Variants in CNKSR2 observed in about 807,000 individuals in gnomAD.
The protein encoded by CNKSR2 is CNK homolog protein 2.
In CNKSR2, 14 loss-of-function variants were observed where a neutral mutation model predicts 84.4. That is an observed-to-expected ratio of 0.17 (90% confidence interval 0.11 to 0.26). The LOEUF is 0.26. Among genes scored for constraint, CNKSR2 ranks in the 10% least tolerant of loss-of-function variants. CNKSR2 has a pLI of 1.00. For missense variants in CNKSR2, 485 were observed against 771.2 expected (o/e 0.63, Z 4.40); for synonymous variants, 275 against 277.9 (o/e 0.99, Z 0.10).
intron 19 of CNKSR2, among the ~76,000 whole-genome samples, chrX:21,607,315 G>A (rs775897642): frequency 8.2e-4 from 91 of 111,464 alleles, no homozygotes; most frequent in African/African-American, 2.8e-3. Flanking sequence ...TTTTTCAGCA[G>A]CCATGGGACC....
At chrX:21,462,789 C>T (rs751640983) in intron 4 of CNKSR2, among the ~76,000 whole-genome samples, 1 of 105,795 alleles carries the variant, frequency 9.5e-6, no homozygotes, top group Non-Finnish European at 1.9e-5. Context: ...TCTCAGCTCA[C>T]TGCAACCTCT....
chrX:21,519,037 G>C (rs190091066), intron 9 of CNKSR2, among the ~76,000 whole-genome samples: 63 of 111,067 alleles, frequency 5.7e-4, no homozygotes, highest in African/African-American at 1.9e-3. Flanking sequence ...TTACAGAGCA[G>C]AGGAAAGAGT....
intron 20 of CNKSR2, among the ~76,000 whole-genome samples, chrX:21,646,423 T>G (rs189693302): frequency 1.8e-5 from 2 of 112,061 alleles, no homozygotes; most frequent in Non-Finnish European, 3.8e-5. Flanking sequence ...TATTGAATCT[T>G]CATTCATCCT....
intron 1 of CNKSR2, among the ~76,000 whole-genome samples, chrX:21,398,586 A>G (rs2090148756): frequency 1.8e-5 from 2 of 112,082 alleles, no homozygotes; most frequent in African/African-American, 6.5e-5. Flanking sequence ...TCCTGCCACC[A>G]TAAGAAGTGT....
chrX:21,531,970 A>G lies in CNKSR2; in HGVS notation c.1206A>G (p.Arg402=), dbSNP rs778487369. 1.7e-6 allele frequency: 2 copies of G among 1,198,697 alleles called. No homozygotes were observed. The highest frequency in any genetic ancestry group is 5.9e-5 in the East Asian group (2 of 33,719). The change falls in exon 11 of 22, where the codon AGA becomes AGG. Residue 402 remains arginine (R), a synonymous_variant. Coordinates refer to ENST00000379510, the MANE Select transcript of CNKSR2 (RefSeq NM_014927.5). The part of the protein sequence containing the change: ...NSFLDQEYRK[R]FNIVEEDTVL... Reference sequence around the variant, plus strand: ...TTCTGGATCAGGAATATCGAAAGAGATTTAATATTGTCGAAGAAGATACTG... The same window carrying G: ...TTCTGGATCAGGAATATCGAAAGAGGTTTAATATTGTCGAAGAAGATACTG...
chrX:21,602,994 T>C (rs1326596131), intron 18 of CNKSR2, among the ~76,000 whole-genome samples: 1 of 112,175 alleles, frequency 8.9e-6, no homozygotes, highest in Non-Finnish European at 1.9e-5. Flanking sequence ...CTGAGCTTCA[T>C]CTTGATTTTA....
intron 13 of CNKSR2, among the ~76,000 whole-genome samples, chrX:21,570,242 C>T (rs1708088571): frequency 8.9e-6 from 1 of 112,817 alleles, no homozygotes; most frequent in Admixed American, 9.4e-5. Flanking sequence ...CCACCTTCAT[C>T]AATGATCTTA....
intron 2 of CNKSR2, among the ~76,000 whole-genome samples, chrX:21,430,051 G>C (rs991025780): frequency 9.0e-6 from 1 of 111,481 alleles, no homozygotes; most frequent in Non-Finnish European, 1.9e-5. Flanking sequence ...CATGTTTTTA[G>C]ATTATCAGTG....
intron 8 of CNKSR2, among the ~76,000 whole-genome samples, chrX:21,506,986 C>A (rs1046450252): frequency 9.7e-6 from 1 of 103,238 alleles, no homozygotes; most frequent in East Asian, 2.9e-4. Context: ...ACCCCCCACC[C>A]GTTTTTTTTT....
At chrX:21,590,122 G>A (rs1251530586) in intron 13 of CNKSR2, among the ~76,000 whole-genome samples, 3 of 111,317 alleles carry the variant, frequency 2.7e-5, no homozygotes, top group African/African-American at 9.8e-5. Flanking sequence ...AAATATGTAG[G>A]GACTAAGGAA....
chrX:21,577,430 A>C (rs750513708), intron 13 of CNKSR2, among the ~76,000 whole-genome samples: 95 of 111,675 alleles, frequency 8.5e-4, no homozygotes, highest in African/African-American at 3.0e-3. Context: ...TAGGGAAAAA[A>C]AATACACAAA....
intron 3 of CNKSR2, among the ~76,000 whole-genome samples, chrX:21,438,831 AAAAC>A (rs1198507272): frequency 1.8e-5 from 2 of 111,627 alleles, no homozygotes; most frequent in African/African-American, 6.5e-5. Flanking sequence ...ATATTGATAA[AAAAC>A]AAAGCCCACC....
chrX:21,382,630 G>T (rs748436589), intron 1 of CNKSR2, among the ~76,000 whole-genome samples: 2 of 111,128 alleles, frequency 1.8e-5, no homozygotes, highest in Non-Finnish European at 3.8e-5. Context: ...CTGTTGTGAG[G>T]ATATCCTTTA....
At position 21,654,457 on chromosome X, in the gene CNKSR2, G is replaced by A. The variant is rs1219250791; in HGVS notation, c.*1936G>A. ...TGTGGCCTGTAAACAGCAAGCAGTTGACGGGAAGACTAGCTCTGTTGCTAC... is the reference window on the plus strand; with the variant it reads ...TGTGGCCTGTAAACAGCAAGCAGTTAACGGGAAGACTAGCTCTGTTGCTAC... On this transcript the variant is annotated 3_prime_UTR_variant, in exon 22 of 22. Transcript: ENST00000379510. 2.8e-5 allele frequency: 3 copies of A among 108,055 alleles called. No individual in the cohort carries two copies. The highest frequency in any genetic ancestry group is 1.0e-4 in the African/African-American group (3 of 29,669). The allele number at this position is 108,055 out of a possible 1,213,427, so 8.9% of individuals were successfully genotyped here.
At chrX:21,466,303 C>T (rs1342804870) in intron 4 of CNKSR2, among the ~76,000 whole-genome samples, 3 of 111,280 alleles carry the variant, frequency 2.7e-5, no homozygotes, top group Non-Finnish European at 5.7e-5. Context: ...GCTATTTTCT[C>T]TTTAAAACTT....
At chrX:21,577,109 TTCC>T (rs1162524852) in intron 13 of CNKSR2, among the ~76,000 whole-genome samples, 2 of 112,045 alleles carry the variant, frequency 1.8e-5, no homozygotes, top group East Asian at 5.6e-4. Flanking sequence ...AAATTTTTAT[TTCC>T]TCAATTTTTA....
intron 5 of CNKSR2, among the ~76,000 whole-genome samples, chrX:21,472,992 AAAT>A (rs1303264495): frequency 1.8e-5 from 2 of 111,802 alleles, no homozygotes; most frequent in African/African-American, 6.5e-5. Context: ...AATAATTTTA[AAAT>A]AATAAGTAAT....
At chrX:21,598,762 G>A (rs777332914) in intron 17 of CNKSR2, among the ~76,000 whole-genome samples, 3 of 112,053 alleles carry the variant, frequency 2.7e-5, no homozygotes, top group Non-Finnish European at 5.6e-5. Flanking sequence ...GTTTATCTCC[G>A]TCACTAAGAT....
chrX:21,518,479 T>C (rs1301903018), intron 9 of CNKSR2, among the ~76,000 whole-genome samples: 1 of 111,788 alleles, frequency 8.9e-6, no homozygotes, highest in African/African-American at 3.2e-5. Flanking sequence ...TATAATCTAT[T>C]CCCCTGTTAT....
Sources: allele counts gnomAD v4.1 joint callset (sites outside exome capture counted in the v4.1 genomes callset), GRCh38; gene constraint gnomAD v4.1.1; transcripts MANE v1.5; gene names NCBI Gene and HGNC (gene_info 2026-07-23, HGNC 2026-07-21).